SNX25: variants seen among roughly 807,000 people sequenced by gnomAD.
SNX25 encodes sorting nexin 25.
In SNX25, 62 loss-of-function variants were observed where a neutral mutation model predicts 113.7. That is an observed-to-expected ratio of 0.55 (90% CI 0.44 to 0.67). The LOEUF (loss-of-function observed/expected upper bound fraction) is 0.67. SNX25 is among the 30% of genes least tolerant of loss of function. The pLI is 0.00. For synonymous variants in SNX25, 421 were observed against 436.2 expected (o/e 0.97, Z 0.43); for missense variants, 1,014 against 1,161.0 (o/e 0.87, Z 1.84).
chr4:185,360,955 A>ATAGATAG (rs1554014185), intron 16 of SNX25, among the ~76,000 whole-genome samples: 1 of 149,802 alleles, frequency 6.7e-6, no homozygotes, highest in African/African-American at 2.5e-5. Flanking sequence ...ATATATATAG[A>ATAGATAG]ATCTGTCTAA....
At chr4:185,373,156 ACT>A (rs1395371060), downstream of SNX25, 3 of 1,322,198 alleles carry the variant, frequency 2.3e-6, no homozygotes, top group Middle Eastern at 1.9e-4. Context: ...ACAGAAAAGA[ACT>A]CTGTGTTTCC....
At chr4:185,302,219 G>T (rs529368310) in intron 6 of SNX25, among the ~76,000 whole-genome samples, 49 of 151,784 alleles carry the variant, frequency 3.2e-4, no homozygotes, top group African/African-American at 1.1e-3. Flanking sequence ...TACATCATCA[G>T]ACTTTTTATA....
At chr4:185,367,396 C>G (rs140415446), downstream of SNX25, 151 of 614,640 alleles carry the variant, frequency 2.5e-4, no homozygotes, top group African/African-American at 2.4e-3. Context: ...ATTCTGATGT[C>G]CTACTTTAAC....
chr4:185,352,574 A>T (rs956802710), intron 14 of SNX25, among the ~76,000 whole-genome samples: 1 of 152,116 alleles, frequency 6.6e-6, no homozygotes, highest in African/African-American at 2.4e-5. Flanking sequence ...GAGTTAATAT[A>T]TGACTCAGTC....
intron 9 of SNX25, among the ~76,000 whole-genome samples, chr4:185,329,252 A>G (rs1290323557): frequency 6.6e-6 from 1 of 152,208 alleles, no homozygotes; most frequent in Non-Finnish European, 1.5e-5. Context: ...CTGTGTTGCA[A>G]TGAAAAACCA....
At chr4:185,223,927 C>T (rs1031967947) in intron 1 of SNX25, among the ~76,000 whole-genome samples, 3 of 152,136 alleles carry the variant, frequency 2.0e-5, no homozygotes, top group African/African-American at 7.2e-5. Flanking sequence ...CTGTACTCTT[C>T]GGTTACATAA....
intron 6 of SNX25, among the ~76,000 whole-genome samples, chr4:185,292,609 G>A (rs1334457343): frequency 1.3e-5 from 2 of 152,014 alleles, no homozygotes; most frequent in East Asian, 3.8e-4. Flanking sequence ...CACCATGTTG[G>A]CCAGGCTGGT....
intron 14 of SNX25, among the ~76,000 whole-genome samples, chr4:185,352,103 G>A (rs535539009): frequency 6.6e-6 from 1 of 152,296 alleles, no homozygotes; most frequent in East Asian, 1.9e-4. Context: ...AGAAGCATGG[G>A]ATATTCTGAA....
In SNX25 at chr4:185,353,520, T is replaced by C. The variant is rs755368746; in HGVS notation, c.2502T>C (p.Tyr834=). The change falls in exon 15 of 19, where the codon TAT becomes TAC. Residue 834 remains tyrosine (Y), a synonymous_variant. Transcript: ENST00000652585. The part of the protein sequence containing the change: ...ETEEDSDLSD[Y]GDDVDGRKDA... ...AGGAGGACAGTGACCTGTCAGATTA[T>C]GGTGATGATGTGGATGGGAGGAAAG... 9 of 1,614,056 alleles carry C rather than the reference T, an allele frequency of 5.6e-6. No homozygotes were observed. Among genetic ancestry groups the C allele is most frequent in the Non-Finnish European group, 6.8e-6 (8 of 1,180,022 alleles).
At chr4:185,337,741 A>C (rs72709999) in intron 10 of SNX25, among the ~76,000 whole-genome samples, 2 of 152,100 alleles carry the variant, frequency 1.3e-5, no homozygotes, top group African/African-American at 4.8e-5. Flanking sequence ...CAATCTCTCC[A>C]TGTCCTCCCT....
intron 7 of SNX25, among the ~76,000 whole-genome samples, chr4:185,314,439 T>C (rs1337948561): frequency 6.6e-6 from 1 of 151,830 alleles, no homozygotes; most frequent in Non-Finnish European, 1.5e-5. Context: ...AGGACATCAC[T>C]AACAGATGCT....
At chr4:185,219,148 G>A (rs1222831824) in intron 1 of SNX25, among the ~76,000 whole-genome samples, 2 of 152,204 alleles carry the variant, frequency 1.3e-5, no homozygotes, top group African/African-American at 2.4e-5. Context: ...GTCCTCCAGA[G>A]CTGAATGTCT....
At chr4:185,221,015 T>C (rs574380307) in intron 1 of SNX25, among the ~76,000 whole-genome samples, 1 of 151,162 alleles carries the variant, frequency 6.6e-6, no homozygotes, top group African/African-American at 2.4e-5. Context: ...TACAGGTGGG[T>C]GCCACCACAC....
chr4:185,280,449 A>G lies in SNX25; in HGVS notation c.1092-7563A>G, dbSNP rs559155606. On this transcript the variant is annotated intron_variant, in intron 5 of 18. Transcript: ENST00000652585. ...TATAAAACAAAAAAATTATGTTTGC[A>G]TAGAAAAAGGTTATAAAGATAGTCC... Among the ~76,000 whole-genome samples, 5 of 152,262 alleles carry G rather than the reference A, an allele frequency of 3.3e-5. No homozygotes were observed. In the South Asian group the frequency reaches 6.2e-4, roughly 19 times the overall value.
intron 1 of SNX25, among the ~76,000 whole-genome samples, chr4:185,235,763 G>A (rs1384410233): frequency 1.3e-5 from 2 of 152,188 alleles, no homozygotes; most frequent in Admixed American, 6.5e-5. Context: ...AGCTGGGATT[G>A]GTGTACACAC....
chr4:185,261,809 TAAAG>T (rs1318905161), intron 3 of SNX25, among the ~76,000 whole-genome samples: 1 of 151,966 alleles, frequency 6.6e-6, no homozygotes, highest in African/African-American at 2.4e-5. Flanking sequence ...TGATAAAAAA[TAAAG>T]AACAAAATAA....
intron 6 of SNX25, among the ~76,000 whole-genome samples, chr4:185,293,178 G>C (rs1239025400): frequency 6.6e-6 from 1 of 152,194 alleles, no homozygotes; most frequent in Non-Finnish European, 1.5e-5. Context: ...GGAGAAACTG[G>C]AAACCTTATA....
intron 2 of SNX25, among the ~76,000 whole-genome samples, chr4:185,252,609 CATTT>C (rs925932940): frequency 2.0e-5 from 3 of 152,068 alleles, no homozygotes; most frequent in Admixed American, 6.6e-5. Flanking sequence ...AATTTAAAAA[CATTT>C]AAAGAGTTAA....
In SNX25 at chr4:185,353,574, G is replaced by A. The variant is rs2095325890; in HGVS notation, c.2556G>A (p.Leu852=). 1 of 1,614,124 alleles carries A rather than the reference G, an allele frequency of 6.2e-7. No individual in the cohort carries two copies. Among genetic ancestry groups the A allele is most frequent in the Non-Finnish European group, 8.5e-7 (1 of 1,179,988 alleles). The change falls in exon 15 of 19, where the codon TTG becomes TTA. Residue 852 remains leucine, a synonymous_variant. Transcript: ENST00000652585. ...KDALAEPCFM[L]IGEIFELRGM... is the part of the protein sequence containing the mutation. ...CCTTGGCTGAACCATGTTTCATGTTGATTGGGGAGATTTTTGAACTTCGAG... is the reference window on the plus strand; with the variant it reads ...CCTTGGCTGAACCATGTTTCATGTTAATTGGGGAGATTTTTGAACTTCGAG...
Sources: gnomAD v4.1 joint callset for allele counts (sites outside exome capture counted in the v4.1 genomes callset) on GRCh38, gnomAD v4.1.1 for gene constraint, MANE v1.5 for transcripts, NCBI Gene and HGNC (gene_info 2026-07-23, HGNC 2026-07-21) for gene names.